CA10: variants seen among roughly 807,000 people sequenced by gnomAD.
CA10 encodes the protein carbonic anhydrase 10 (inactive).
Under a neutral mutation model 44.2 loss-of-function variants are expected in CA10, and 14 were observed. That is an observed-to-expected ratio of 0.32 (90% CI 0.21 to 0.50). The LOEUF is 0.50. CA10 is among the 20% of genes least tolerant of loss of function. CA10 has a pLI of 0.99. For synonymous variants in CA10, 159 were observed against 141.6 expected (o/e 1.12, Z -0.87); for missense variants, 350 against 409.7 (o/e 0.85, Z 1.26).
intron 4 of CA10, among the ~76,000 whole-genome samples, chr17:51,673,736 A>G (rs1039473297): frequency 3.3e-5 from 5 of 152,166 alleles, no homozygotes; most frequent in African/African-American, 1.2e-4. Context: ...TGATGGCTCT[A>G]GGTCTAAACA....
intron 3 of CA10, among the ~76,000 whole-genome samples, chr17:51,814,049 T>A (rs1256397594): frequency 6.6e-6 from 1 of 152,108 alleles, no homozygotes; most frequent in African/African-American, 2.4e-5. Context: ...TCAGAGTGCT[T>A]TGGTATTTGT....
In CA10 at chr17:52,121,661, A is replaced by AACAC. The variant is rs558555197; in HGVS notation, c.61+36061_61+36064dup. Among the ~76,000 whole-genome samples the AACAC allele has an allele frequency of 4.3e-4, 38 of 88,972 alleles. 1 individual carries two copies. In the South Asian group the frequency reaches 0.017, roughly 39 times the overall value. The allele number at this position is 88,972 out of a possible 152,430, so 58.4% of individuals were successfully genotyped here. On this transcript the variant is annotated intron_variant, in intron 1 of 8. Transcript: ENST00000451037. ...ATGAGGGAATCTCTATCTATCTCTA[A>AACAC]ACACACACACACACAGATACACACA...
Position 51,853,070 on chromosome 17 carries a change from C to T in CA10, c.279+77920G>A, listed in dbSNP as rs559386223. Among the ~76,000 whole-genome samples, 6 of 152,060 alleles carry T rather than the reference C, an allele frequency of 3.9e-5. No homozygotes were observed. The South Asian group carries it at 6.3e-4, about 16-fold the overall frequency. ...CTTGGAAAAACTGAAAGGAGACAAG[C>T]GGATAGCTAAATAGAGCTTGAGTCC... On this transcript the variant is annotated intron_variant, in intron 3 of 8. Transcript: ENST00000451037.
intron 1 of CA10, among the ~76,000 whole-genome samples, chr17:52,080,154 A>G (rs1876398846): frequency 6.6e-6 from 1 of 152,138 alleles, no homozygotes; most frequent in Non-Finnish European, 1.5e-5. Context: ...GCATGATACT[A>G]TTTTTAAGAA....
At chr17:52,143,047 C>A (rs1247261810) in intron 1 of CA10, among the ~76,000 whole-genome samples, 1 of 152,154 alleles carries the variant, frequency 6.6e-6, no homozygotes, top group Non-Finnish European at 1.5e-5. Flanking sequence ...ACTATAATTA[C>A]ATTTGTCATC....
chr17:51,633,597 G>C lies in CA10; in HGVS notation c.843C>G (p.Ser281Arg), dbSNP rs80207288. The C allele has an allele frequency of 1.1e-5, 18 of 1,613,794 alleles. No individual in the cohort carries two copies. The Admixed American group carries it at 2.5e-4, about 22-fold the overall frequency. Residue 281 changes from serine to arginine, a missense_variant, in exon 8 of 9, where the codon AGC (serine) becomes AGG (arginine). Physicochemically the swap from Ser to Arg is moderately radical, Grantham distance 110 (BLOSUM62 -1). Transcript: ENST00000451037. ...GGACAGGCCTGAAGTTGTCACTCAT[G>C]CTCAGAAAGATCTGAGATGGCTGGT... is the stretch of plus-strand genomic sequence containing the variant. ...SQNQPSQIFL[S>R]MSDNFRPVQP...
chr17:51,863,453 C>A lies in CA10; in HGVS notation c.279+67537G>T, dbSNP rs557620096. ...TGCATTTGCATGCAAATAGCCTTACCATTGCTGGGTGAATGTGATTTTCTT... is the reference window on the plus strand; with the variant it reads ...TGCATTTGCATGCAAATAGCCTTACAATTGCTGGGTGAATGTGATTTTCTT... On this transcript the variant is annotated intron_variant, in intron 3 of 8. Coordinates refer to ENST00000451037, the MANE Select transcript of CA10 (RefSeq NM_020178.5). Among the ~76,000 whole-genome samples the A allele has an allele frequency of 5.1e-4, 77 of 152,206 alleles. 1 individual carries two copies. The highest frequency in any genetic ancestry group is 1.2e-3 in the South Asian group (6 of 4,826).
intron 4 of CA10, among the ~76,000 whole-genome samples, chr17:51,661,185 T>A (rs570723394): frequency 6.6e-6 from 1 of 152,280 alleles, no homozygotes; most frequent in South Asian, 2.1e-4. Flanking sequence ...TATTGGCCCC[T>A]GTGACATCTC....
chr17:51,849,264 T>TATAA (rs1333191928), intron 3 of CA10, among the ~76,000 whole-genome samples: 4 of 135,226 alleles, frequency 3.0e-5, no homozygotes, highest in East Asian at 2.1e-4. Flanking sequence ...TATATATATA[T>TATAA]AAAACTAAGT....
intron 3 of CA10, among the ~76,000 whole-genome samples, chr17:51,919,653 A>ACTGT (rs1982148023): frequency 6.6e-6 from 1 of 151,694 alleles, no homozygotes. Flanking sequence ...TCTTTGTTTG[A>ACTGT]TTGTTCGTTT....
intron 3 of CA10, among the ~76,000 whole-genome samples, chr17:51,908,672 C>A (rs932261724): frequency 1.3e-5 from 2 of 152,136 alleles, no homozygotes; most frequent in African/African-American, 4.8e-5. Context: ...ATACTGACCA[C>A]ATTCATTCCT....
Position 51,631,595 on chromosome 17 carries a change from G to C in CA10, c.976C>G (p.Leu326Val), listed in dbSNP as rs760192604. ...QKLQYRVNEWLLK is the reference protein window; with the variant it reads ...QKLQYRVNEWVLK ...CTTGGCTTTGTTCCCTACTTGAGGA[G>C]CCATTCATTTACTGCAAAGAGAGAG... is the stretch of plus-strand genomic sequence containing the variant. Residue 326 changes from leucine to valine, a missense_variant, in exon 9 of 9, where the codon CTC (leucine) becomes GTC (valine). Transcript: ENST00000451037. The C allele has an allele frequency of 6.2e-7, 1 of 1,612,426 alleles. No individual in the cohort carries two copies. Among genetic ancestry groups the C allele is most frequent in the Admixed American group, 1.7e-5 (1 of 59,956 alleles).
At chr17:52,113,554 T>C (rs1263810233) in intron 1 of CA10, among the ~76,000 whole-genome samples, 1 of 152,000 alleles carries the variant, frequency 6.6e-6, no homozygotes, top group African/African-American at 2.4e-5. Context: ...AATTAATGAG[T>C]TCAATGACAG....
At chr17:51,901,618 C>G (rs1451388902) in intron 3 of CA10, among the ~76,000 whole-genome samples, 1 of 151,988 alleles carries the variant, frequency 6.6e-6, no homozygotes, top group African/African-American at 2.4e-5. Flanking sequence ...GGATGGGGTA[C>G]TAGTCTGAAT....
At chr17:51,864,145 G>T (rs1170692885) in intron 3 of CA10, among the ~76,000 whole-genome samples, 1 of 152,122 alleles carries the variant, frequency 6.6e-6, no homozygotes, top group Non-Finnish European at 1.5e-5. Flanking sequence ...AAACTATCAG[G>T]TGTATGTTCC....
chr17:51,763,681 T>A (rs145667066), intron 3 of CA10, among the ~76,000 whole-genome samples: 6 of 152,328 alleles, frequency 3.9e-5, no homozygotes, highest in African/African-American at 1.4e-4. Flanking sequence ...CCTCTTTTAC[T>A]GTCAATGAAC....
intron 3 of CA10, among the ~76,000 whole-genome samples, chr17:51,924,958 C>A (rs1197221264): frequency 6.6e-6 from 1 of 152,170 alleles, no homozygotes; most frequent in Non-Finnish European, 1.5e-5. Context: ...AACAAAAAAC[C>A]TGAAGATATG....
At chr17:51,812,787 C>T (rs1907420814) in intron 3 of CA10, among the ~76,000 whole-genome samples, 1 of 152,160 alleles carries the variant, frequency 6.6e-6, no homozygotes, top group Admixed American at 6.5e-5. Context: ...AGGCTGATTG[C>T]CTGTCTATGG....
chr17:51,680,041 T>G (rs1408642516), intron 4 of CA10, among the ~76,000 whole-genome samples: 1 of 152,172 alleles, frequency 6.6e-6, no homozygotes, highest in Non-Finnish European at 1.5e-5. Context: ...GTTGAGTAGT[T>G]GCAACTGAGA....
Sources: gnomAD v4.1 joint callset for allele counts (sites outside exome capture counted in the v4.1 genomes callset) on GRCh38, gnomAD v4.1.1 for gene constraint, MANE v1.5 for transcripts, NCBI Gene and HGNC (gene_info 2026-07-23, HGNC 2026-07-21) for gene names.